Variants in GABPA observed in about 807,000 individuals in gnomAD.
The protein encoded by GABPA is GA binding protein transcription factor subunit alpha.
Under a neutral mutation model 59.4 loss-of-function variants are expected in GABPA, and 4 were observed. The ratio of observed to expected loss-of-function variants is 0.07; its 90% CI spans 0.03 to 0.15. The LOEUF (loss-of-function observed/expected upper bound fraction) is 0.15. Among genes scored for constraint, GABPA ranks in the 10% least tolerant of loss-of-function variants. The probability of loss-of-function intolerance (pLI) is 1.00; values close to 1 mark genes in which losing one functional copy is unlikely to be tolerated. For missense variants in GABPA, 251 were observed against 543.8 expected (o/e 0.46, Z 5.36); for synonymous variants, 164 against 183.1 (o/e 0.90, Z 0.84).
At chr21:25,741,013 T>C (rs1272832511) in intron 1 of GABPA, among the ~76,000 whole-genome samples, 1 of 152,252 alleles carries the variant, frequency 6.6e-6, no homozygotes, top group Non-Finnish European at 1.5e-5. Flanking sequence ...AGGTAACTTG[T>C]TGATTGCAAT....
intron 7 of GABPA, among the ~76,000 whole-genome samples, chr21:25,763,788 C>T (rs1051973798): frequency 3.9e-5 from 6 of 152,090 alleles, no homozygotes; most frequent in East Asian, 1.9e-4. Flanking sequence ...ATGTTCGTGT[C>T]ATAGGGTTTC....
At chr21:25,737,929 TC>T (rs1268428664) in intron 1 of GABPA, among the ~76,000 whole-genome samples, 2 of 152,246 alleles carry the variant, frequency 1.3e-5, no homozygotes, top group African/African-American at 4.8e-5. Flanking sequence ...GTGTATACTT[TC>T]TCCACATTTT....
At chr21:25,740,715 T>G (rs1268060204) in intron 1 of GABPA, among the ~76,000 whole-genome samples, 7 of 152,204 alleles carry the variant, frequency 4.6e-5, no homozygotes, top group Non-Finnish European at 7.4e-5. Flanking sequence ...CATTAAAAAT[T>G]TTCTACTGTG....
chr21:25,765,041 AT>A (rs1435903461), intron 9 of GABPA, among the ~76,000 whole-genome samples: 3 of 152,062 alleles, frequency 2.0e-5, no homozygotes, highest in South Asian at 2.1e-4. Context: ...CCAAAAAAAA[AT>A]GTTTAATTTT....
chr21:25,765,185 C>G (rs767950922), intron 9 of GABPA, among the ~76,000 whole-genome samples: 5 of 151,962 alleles, frequency 3.3e-5, no homozygotes, highest in Non-Finnish European at 5.9e-5. Flanking sequence ...ATCTGGATAT[C>G]CAATCTTTAC....
chr21:25,748,876 A>C (rs1275824291), intron 3 of GABPA, among the ~76,000 whole-genome samples, 160 bp from the exon 4 acceptor site: 1 of 152,234 alleles, frequency 6.6e-6, no homozygotes. Context: ...ATTTTGGCAA[A>C]GAATTAAATA....
At chr21:25,751,056 T>A (rs1449219768) in intron 4 of GABPA, among the ~76,000 whole-genome samples, 1 of 152,112 alleles carries the variant, frequency 6.6e-6, no homozygotes. Context: ...TGTAATAGAT[T>A]CAGTAAGAAA....
chr21:25,770,500 C>T lies in GABPA; in HGVS notation c.*1268C>T, dbSNP rs1326177280. On this transcript the variant is annotated 3_prime_UTR_variant, in exon 10 of 10. Coordinates refer to ENST00000400075, the MANE Select transcript of GABPA (RefSeq NM_002040.4). ...AGAAATGTCTTTTTCTTTCTTTTCT[C>T]TCTTTGTTGTTTAAGGTATTAAGCA... 1 of 152,068 alleles carries T rather than the reference C, an allele frequency of 6.6e-6. No homozygotes were observed. The highest frequency in any genetic ancestry group is 2.1e-4 in the South Asian group (1 of 4,826). The allele number at this position is 152,068 out of a possible 1,614,324, so 9.4% of individuals were successfully genotyped here. A position where few individuals can be genotyped will look rare whatever the true frequency, so the allele number is the denominator to read the frequency against.
intron 4 of GABPA, among the ~76,000 whole-genome samples, chr21:25,750,055 A>G (rs892163538): frequency 2.0e-5 from 3 of 152,176 alleles, no homozygotes; most frequent in Non-Finnish European, 4.4e-5. Flanking sequence ...GGAAGCCTTG[A>G]GTTTGTTTCC....
At chr21:25,760,510 G>A (rs1415581213) in intron 6 of GABPA, among the ~76,000 whole-genome samples, 1 of 151,938 alleles carries the variant, frequency 6.6e-6, no homozygotes, top group African/African-American at 2.4e-5. Context: ...CCACCTGCCT[G>A]CAGTCCCCCC....
At chr21:25,735,605 G>C (rs2035018367) in intron 1 of GABPA, 27 bp downstream of exon 1, 1 of 152,640 alleles carries the variant, frequency 6.6e-6, no homozygotes, top group African/African-American at 2.4e-5. Flanking sequence ...GGGAGGAGGG[G>C]AGCGCGGGCC....
chr21:25,763,084 C>G (rs2035802919), intron 7 of GABPA: 1 of 436,788 alleles, frequency 2.3e-6, no homozygotes. Flanking sequence ...CTAGAAGAGT[C>G]TTTTTGTTTC....
At chr21:25,748,000 G>T (rs948644243) in intron 3 of GABPA, among the ~76,000 whole-genome samples, 6 of 152,008 alleles carry the variant, frequency 3.9e-5, no homozygotes, top group Admixed American at 6.6e-5. Flanking sequence ...TCCGCCTACC[G>T]GGTCTAAGCA....
rs375836464 is a variant in GABPA, at chr21:25,766,033, C to G, written c.1136+1246C>G. Among the ~76,000 whole-genome samples, 3 of 151,952 alleles carry G rather than the reference C, an allele frequency of 2.0e-5. No individual in the cohort carries two copies. The East Asian group carries it at 5.8e-4, about 29-fold the overall frequency. On this transcript the variant is annotated intron_variant, in intron 9 of 9. Transcript: ENST00000400075. ...TTGTCCCACAGGATATTGAGACTGA[C>G]TCTAAAGTTACAGTAATAAGACAGT...
chr21:25,743,072 A>G (rs955798744), intron 2 of GABPA, among the ~76,000 whole-genome samples: 3 of 152,158 alleles, frequency 2.0e-5, no homozygotes, highest in African/African-American at 7.2e-5. Flanking sequence ...AGTCTTGTAA[A>G]GACTTGACTA....
chr21:25,746,104 C>T (rs1372650558), intron 3 of GABPA, among the ~76,000 whole-genome samples: 2 of 151,916 alleles, frequency 1.3e-5, no homozygotes, highest in Non-Finnish European at 2.9e-5. Flanking sequence ...CTCCACCTCC[C>T]AGGTTCAAAC....
At chr21:25,736,645 G>A (rs1316649633) in intron 1 of GABPA, among the ~76,000 whole-genome samples, 2 of 152,126 alleles carry the variant, frequency 1.3e-5, no homozygotes, top group Non-Finnish European at 2.9e-5. Context: ...TCATCAGACC[G>A]AGTACTAAAT....
intron 5 of GABPA, among the ~76,000 whole-genome samples, chr21:25,753,987 A>C (rs1487774567): frequency 6.6e-6 from 1 of 152,188 alleles, no homozygotes; most frequent in Non-Finnish European, 1.5e-5. Context: ...TGGAACTGAA[A>C]GAGAGCTATG....
intron 8 of GABPA, 98 bp downstream of exon 8, chr21:25,764,448 C>G: frequency 5.6e-6 from 8 of 1,423,868 alleles, no homozygotes; most frequent in Non-Finnish European, 7.6e-6. Flanking sequence ...TGGACTATCC[C>G]TCTGGCAGTT....
Sources: gnomAD v4.1 joint callset for allele counts (sites outside exome capture counted in the v4.1 genomes callset) on GRCh38, gnomAD v4.1.1 for gene constraint, MANE v1.5 for transcripts, NCBI Gene and HGNC (gene_info 2026-07-23, HGNC 2026-07-21) for gene names.